The following RGS12 variants were observed in gnomAD, a reference collection of about 807,000 sequenced individuals.
RGS12 encodes the protein regulator of G-protein signaling 12.
In RGS12, 66 loss-of-function variants were observed where a neutral mutation model predicts 120.1. The ratio of observed to expected loss-of-function variants is 0.55; its 90% confidence interval spans 0.45 to 0.67. RGS12 has a LOEUF of 0.67. RGS12 is among the 30% of genes least tolerant of loss of function. The probability of loss-of-function intolerance (pLI) is 0.00; values close to 1 mark genes in which losing one functional copy is unlikely to be tolerated. For synonymous variants in RGS12, 827 were observed against 804.7 expected, an observed-to-expected ratio of 1.03 and a Z score of -0.47; for missense variants, 1,859 against 1,957.7, an observed-to-expected ratio of 0.95 and a Z score of 0.95.
intron 16 of RGS12, among the ~76,000 whole-genome samples, chr4:3,430,105 A>T (rs1577102833): frequency 6.6e-6 from 1 of 152,226 alleles, no homozygotes; most frequent in African/African-American, 2.4e-5. Context: ...CTCAGACGGC[A>T]TCAGCGCGTA....
intron 13 of RGS12, among the ~76,000 whole-genome samples, chr4:3,424,621 T>C (rs1391662628): frequency 2.0e-5 from 3 of 152,088 alleles, no homozygotes; most frequent in Non-Finnish European, 4.4e-5. Context: ...GGCACCAGGG[T>C]GGAAGGGCTG....
chr4:3,423,484 G>A, intron 12 of RGS12, 31 bp from the exon 13 acceptor site: 1 of 1,612,014 alleles, frequency 6.2e-7, no homozygotes, highest in Non-Finnish European at 8.5e-7. Context: ...GCTGACATGA[G>A]TTGGTAGTGA....
chr4:3,415,168 G>C (rs1307171356), intron 6 of RGS12, among the ~76,000 whole-genome samples: 1 of 150,448 alleles, frequency 6.6e-6, no homozygotes, highest in Admixed American at 6.6e-5. Flanking sequence ...TGTGTGAGGG[G>C]CGTGTGTGAT....
intron 3 of RGS12, among the ~76,000 whole-genome samples, chr4:3,346,862 AC>A (rs1713843971): frequency 6.6e-6 from 1 of 152,300 alleles, no homozygotes; most frequent in South Asian, 2.1e-4. Flanking sequence ...GTTTTTACTT[AC>A]CCGCTGTAAG....
intron 2 of RGS12, among the ~76,000 whole-genome samples, chr4:3,332,010 G>C (rs1711904868): frequency 6.6e-6 from 1 of 152,226 alleles, no homozygotes; most frequent in South Asian, 2.1e-4. Context: ...GGCCTGTGGA[G>C]GGGCTGGGAA....
At chr4:3,412,771 C>T (rs922034317) in intron 4 of RGS12, among the ~76,000 whole-genome samples, 2 of 152,262 alleles carry the variant, frequency 1.3e-5, no homozygotes, top group African/African-American at 4.8e-5. Context: ...CCTTGTCACA[C>T]GTCATCTGTG....
chr4:3,428,512 C>T lies in RGS12; in HGVS notation c.3412-46C>T, dbSNP rs369464208. The T allele has an allele frequency of 1.3e-4, 198 of 1,479,164 alleles. 1 individual carries two copies. Among genetic ancestry groups the T allele is most frequent in the Admixed American group, 4.9e-4 (23 of 46,944 alleles). 91.6% of individuals were successfully genotyped at this position (1,479,164 alleles called of 1,614,324 possible). On this transcript the variant is annotated intron_variant, in intron 15 of 17. Transcript: ENST00000336727. ...CTCTAACTAATGAATGATGTATTGT[C>T]GTGTATTGAAATGAAAGTAGAACTT... is the stretch of plus-strand genomic sequence containing the variant.
intron 4 of RGS12, among the ~76,000 whole-genome samples, chr4:3,412,585 T>C (rs1721855239): frequency 6.6e-6 from 1 of 152,234 alleles, no homozygotes; most frequent in African/African-American, 2.4e-5. Flanking sequence ...CGGCTTATCC[T>C]GCGCACCGTG....
intron 2 of RGS12, chr4:3,342,269 T>G: frequency 2.3e-6 from 1 of 434,142 alleles, no homozygotes; most frequent in Non-Finnish European, 3.4e-6. Flanking sequence ...GCTTTTTGTT[T>G]TTAAGAGGTG....
intron 2 of RGS12, among the ~76,000 whole-genome samples, chr4:3,340,282 GCTGCTGC>G (rs1264834064): frequency 6.6e-6 from 1 of 152,232 alleles, no homozygotes; most frequent in Non-Finnish European, 1.5e-5. Flanking sequence ...AGCGAAGGGC[GCTGCTGC>G]TGTCGTCCCA....
At chr4:3,328,467 G>C (rs887631758) in intron 2 of RGS12, among the ~76,000 whole-genome samples, 1 of 152,126 alleles carries the variant, frequency 6.6e-6, no homozygotes, top group African/African-American at 2.4e-5. Flanking sequence ...CTCAACATGC[G>C]ATGCCCTGTG....
At chr4:3,380,477 A>T (rs1475204668) in intron 3 of RGS12, among the ~76,000 whole-genome samples, 1 of 152,192 alleles carries the variant, frequency 6.6e-6, no homozygotes, top group African/African-American at 2.4e-5. Flanking sequence ...CTCTAACCCC[A>T]CATTTCCCTT....
At chr4:3,319,083 C>A (rs1357333692) in intron 2 of RGS12, among the ~76,000 whole-genome samples, 2 of 149,212 alleles carry the variant, frequency 1.3e-5, no homozygotes, top group Non-Finnish European at 2.9e-5. Context: ...ACTTGATTCC[C>A]CCTCCCCTAG....
Position 3,374,780 on chromosome 4 carries a change from C to G in RGS12, c.1999-11636C>G, listed in dbSNP as rs574838742. On this transcript the variant is annotated intron_variant, in intron 3 of 17. Transcript: ENST00000336727. This position sits in a 1 kb window ranked among gnomAD's most constrained non-coding sequence, Gnocchi z 6.3. ...GAGCACCACAGAGCCTCCAGCTGCC[C>G]CTGCCCTGCCCTGTCCATGCACCTG... Among the ~76,000 whole-genome samples, 117 of 152,276 alleles carry G rather than the reference C, an allele frequency of 7.7e-4. No individual in the cohort carries two copies. The highest frequency in any genetic ancestry group is 7.4e-5 in the Non-Finnish European group (5 of 68,004).
chr4:3,432,907 C>G (rs1724461073), intron 17 of RGS12, among the ~76,000 whole-genome samples: 1 of 152,182 alleles, frequency 6.6e-6, no homozygotes, highest in African/African-American at 2.4e-5. Flanking sequence ...CGTGGCGACA[C>G]AGGACAACTG....
chr4:3,333,830 A>C (rs1261313169), intron 2 of RGS12, among the ~76,000 whole-genome samples: 1 of 152,228 alleles, frequency 6.6e-6, no homozygotes, highest in African/African-American at 2.4e-5. Flanking sequence ...ATTCCCCGAA[A>C]TGCTATTGAT....
intron 3 of RGS12, 161 bp from the exon 4 acceptor site, chr4:3,386,255 G>C: frequency 4.4e-6 from 3 of 683,178 alleles, no homozygotes; most frequent in Non-Finnish European, 7.9e-6. Flanking sequence ...CGTGACTCTT[G>C]ACTCATTGGG....
intron 3 of RGS12, among the ~76,000 whole-genome samples, chr4:3,384,824 G>A (rs557578152): frequency 2.0e-5 from 3 of 152,336 alleles, no homozygotes; most frequent in South Asian, 2.1e-4. Flanking sequence ...AGGAGGATGC[G>A]CATAGCTGGT....
Position 3,343,048 on chromosome 4 carries a change from C to G in RGS12, c.1993C>G (p.Leu665Val), listed in dbSNP as rs764305586. 1.3e-6 allele frequency: 2 copies of G among 1,597,004 alleles called. No homozygotes were observed. The highest frequency in any genetic ancestry group is 4.5e-5 in the East Asian group (2 of 44,800). Reference sequence around the variant, plus strand: ...CAGTATCACTCGCTCCCTTGATGATCTTGAGGTAATTTAATTTTCATTTTT... The same window carrying G: ...CAGTATCACTCGCTCCCTTGATGATGTTGAGGTAATTTAATTTTCATTTTT... The part of the protein sequence containing the change: ...RFSITRSLDD[L>V]ESATVSDGEL... The change falls in exon 3 of 18, where the codon CTT (leucine) becomes GTT (valine). Residue 665 changes from leucine to valine, a missense_variant. Transcript: ENST00000336727.
Sources: gnomAD v4.1 joint callset for allele counts (sites outside exome capture counted in the v4.1 genomes callset) on GRCh38, gnomAD v4.1.1 for gene constraint, Gnocchi (gnomAD v3.1) non-coding constraint, MANE v1.5 for transcripts, NCBI Gene and HGNC (gene_info 2026-07-23, HGNC 2026-07-21) for gene names.